Variants in STK32C observed in about 807,000 individuals in gnomAD.
STK32C encodes the protein serine/threonine kinase 32C.
A neutral mutation model predicts 56.5 loss-of-function variants in STK32C; 31 were observed. The observed-to-expected ratio is 0.55, with a 90% CI of 0.41 to 0.74. STK32C has a LOEUF of 0.74. Among genes scored for constraint, STK32C ranks in the 30% least tolerant of loss-of-function variants. The pLI is 0.00. For synonymous variants in STK32C, 309 were observed against 289.4 expected, an observed-to-expected ratio of 1.07 and a Z score of -0.69; for missense variants, 544 against 676.9, an observed-to-expected ratio of 0.80 and a Z score of 2.18.
chr10:132,309,600 C>T (rs146808276), upstream of STK32C, among the ~76,000 whole-genome samples: 71 of 152,326 alleles, frequency 4.7e-4, no homozygotes, highest in Non-Finnish European at 8.2e-4. Flanking sequence ...TGCTCTCCCT[C>T]AAAGTTGCCA....
chr10:132,298,663 G>A (rs1353813903), intron 1 of STK32C, among the ~76,000 whole-genome samples: 1 of 151,262 alleles, frequency 6.6e-6, no homozygotes, highest in Admixed American at 6.6e-5. Context: ...TGGGGTCACT[G>A]GGGGGGAGTT....
At chr10:132,284,291 G>A (rs992227340) in intron 1 of STK32C, among the ~76,000 whole-genome samples, 1 of 75,818 alleles carries the variant, frequency 1.3e-5, no homozygotes, top group African/African-American at 5.8e-5. Context: ...GGTGAGGTTG[G>A]GGGGGGCAGG....
intron 1 of STK32C, among the ~76,000 whole-genome samples, chr10:132,265,158 TGCCAGGGCGGCGAGGTGGCTCTGGGGGA>T (rs1565125702): frequency 1.6e-5 from 2 of 127,032 alleles, no homozygotes; most frequent in African/African-American, 3.3e-5. Context: ...CTGGGGGAGC[TGCCAGGGCGGCGAGGTGGCTCTGGGGGA>T]GCCGCAAGGG....
chr10:132,249,121 G>A (rs1260673472), intron 1 of STK32C: 2 of 460,740 alleles, frequency 4.3e-6, no homozygotes, highest in East Asian at 6.7e-5. Context: ...GTGCCGGGGC[G>A]GGGCTGTGGC....
chr10:132,221,321 C>T (rs1172490525), intron 10 of STK32C, among the ~76,000 whole-genome samples: 3 of 150,254 alleles, frequency 2.0e-5, no homozygotes, highest in Admixed American at 2.0e-4. Context: ...CATGGCCGTC[C>T]CCACACACAC....
At chr10:132,214,777 CAT>C (rs2062418308) in intron 10 of STK32C, among the ~76,000 whole-genome samples, 1 of 152,138 alleles carries the variant, frequency 6.6e-6, no homozygotes, top group South Asian at 2.1e-4. Context: ...TCCCACTGCA[CAT>C]GAGGGGGCAG....
At chr10:132,222,305 T>C (rs2818402) in intron 10 of STK32C, among the ~76,000 whole-genome samples, 110,230 of 142,298 alleles carry the variant, frequency 0.77, 41,947 homozygotes, top group East Asian at 0.84. Flanking sequence ...TACCTGATGC[T>C]GACGCACCTG....
chr10:132,310,902 C>T (rs2066206944), upstream of STK32C, among the ~76,000 whole-genome samples: 1 of 152,128 alleles, frequency 6.6e-6, no homozygotes, highest in Admixed American at 6.5e-5. The surrounding 1 kb of genome is among the most constrained non-coding windows in gnomAD (Gnocchi z 4.6). Flanking sequence ...GGCCAGGTGT[C>T]CGGGTTCCAA....
At chr10:132,236,938 G>A (rs546650866) in intron 2 of STK32C, among the ~76,000 whole-genome samples, 3 of 152,246 alleles carry the variant, frequency 2.0e-5, no homozygotes, top group East Asian at 1.9e-4. Context: ...CCTGCCACGC[G>A]CCCGCCAAGG....
intron 7 of STK32C, 112 bp downstream of exon 7, chr10:132,225,120 TG>T: frequency 1.3e-6 from 1 of 766,380 alleles, no homozygotes; most frequent in Non-Finnish European, 2.1e-6. Flanking sequence ...TCAGACACAG[TG>T]GAGACATCCC....
chr10:132,324,067 A>G, exon 2 of STK32C: 2 of 607,220 alleles, frequency 3.3e-6, no homozygotes, highest in Non-Finnish European at 5.9e-6. Flanking sequence ...CCACCTCCCA[A>G]CACACCCACA....
chr10:132,304,797 C>T (rs1013132741), intron 1 of STK32C, among the ~76,000 whole-genome samples: 2 of 152,238 alleles, frequency 1.3e-5, no homozygotes, highest in Non-Finnish European at 2.9e-5. Flanking sequence ...CTGCCCGGCC[C>T]GGCGCCCAGG....
chr10:132,224,889 G>T (rs182090278), intron 7 of STK32C, among the ~76,000 whole-genome samples: 2 of 152,148 alleles, frequency 1.3e-5, no homozygotes, highest in African/African-American at 4.8e-5. Flanking sequence ...GACTGGCCTC[G>T]CCGTGGCCAC....
At chr10:132,266,231 C>T (rs2064519411) in intron 1 of STK32C, among the ~76,000 whole-genome samples, 1 of 152,216 alleles carries the variant, frequency 6.6e-6, no homozygotes, top group African/African-American at 2.4e-5. Flanking sequence ...GCCAGGTTTA[C>T]AAGAGCGCGT....
chr10:132,238,756 C>T (rs2063388785), intron 2 of STK32C, among the ~76,000 whole-genome samples: 1 of 152,186 alleles, frequency 6.6e-6, no homozygotes, highest in South Asian at 2.1e-4. Flanking sequence ...GTTGGAAATA[C>T]ACAGTTCATA....
intron 1 of STK32C, among the ~76,000 whole-genome samples, chr10:132,299,513 A>G (rs1003514510): frequency 4.6e-5 from 7 of 152,226 alleles, no homozygotes; most frequent in Non-Finnish European, 8.8e-5. Flanking sequence ...AAACTAACTG[A>G]GACCTCAGGA....
chr10:132,261,602 T>C (rs2064310158), intron 1 of STK32C, among the ~76,000 whole-genome samples: 1 of 151,982 alleles, frequency 6.6e-6, no homozygotes, highest in Non-Finnish European at 1.5e-5. Context: ...CTGTCTCTAT[T>C]AAAATACAGA....
chr10:132,252,993 A>G (rs1046584070), intron 1 of STK32C, among the ~76,000 whole-genome samples: 1 of 152,098 alleles, frequency 6.6e-6, no homozygotes. Context: ...AAGGGCTGCT[A>G]GCTGGGGTCT....
rs761144428 is a variant in STK32C, at chr10:132,307,603, C to G, written c.231G>C (p.Ala77=). ...CCTTGTCGTCAAACACCGGCCTCCG[C>G]GCGGTGGCCGCCGACATGGACGAGC... ...RMGSSMSAAT[A]RRPVFDDKED... is the part of the protein sequence containing the mutation. Residue 77 remains alanine, a synonymous_variant, in exon 1 of 12, where the codon GCG becomes GCC. Transcript: ENST00000298630. The surrounding 1 kb of genome is among the most constrained non-coding windows in gnomAD (Gnocchi z 4.4). 1.6e-5 allele frequency: 24 copies of G among 1,528,788 alleles called. No individual in the cohort carries two copies. The East Asian group carries it at 4.2e-4, about 27-fold the overall frequency. The allele number at this position is 1,528,788 out of a possible 1,614,324, so 94.7% of individuals were successfully genotyped here. A position where few individuals can be genotyped will look rare whatever the true frequency, so the allele number is the denominator to read the frequency against.
Sources: gnomAD v4.1 joint callset for allele counts (sites outside exome capture counted in the v4.1 genomes callset) on GRCh38, gnomAD v4.1.1 for gene constraint, Gnocchi (gnomAD v3.1) non-coding constraint, MANE v1.5 for transcripts, NCBI Gene and HGNC (gene_info 2026-07-23, HGNC 2026-07-21) for gene names.